TRAPPC9: variants seen among roughly 807,000 people sequenced by gnomAD.
The protein encoded by TRAPPC9 is IKK2 binding protein.
In TRAPPC9, 83 loss-of-function variants were observed where a neutral mutation model predicts 124.0. The observed-to-expected ratio is 0.67, with a 90% confidence interval of 0.56 to 0.80. The LOEUF is 0.80. TRAPPC9 is among the 30% of genes least tolerant of loss of function. The probability of loss-of-function intolerance (pLI) is 0.00; values close to 1 mark genes in which losing one functional copy is unlikely to be tolerated. For missense variants in TRAPPC9, 1,302 were observed against 1,508.3 expected (o/e 0.86, Z 2.27); for synonymous variants, 638 against 617.5 (o/e 1.03, Z -0.49).
chr8:140,413,223 T>G (rs906039610), intron 5 of TRAPPC9, among the ~76,000 whole-genome samples: 7 of 152,080 alleles, frequency 4.6e-5, no homozygotes, highest in African/African-American at 1.7e-4. Flanking sequence ...ACCCCATCTC[T>G]ACTAAAAATA....
At chr8:139,845,433 T>C (rs1827012352) in intron 21 of TRAPPC9, among the ~76,000 whole-genome samples, 1 of 152,234 alleles carries the variant, frequency 6.6e-6, no homozygotes, top group South Asian at 2.1e-4. Context: ...AGCTTCCTAA[T>C]ATCCACTTTC....
chr8:140,117,850 A>G (rs986647485), intron 17 of TRAPPC9, among the ~76,000 whole-genome samples: 8 of 152,232 alleles, frequency 5.3e-5, no homozygotes, highest in African/African-American at 1.9e-4. Context: ...ATTCTGATTC[A>G]TCACTACAGT....
chr8:139,741,315 C>T (rs1173331879), intron 21 of TRAPPC9, among the ~76,000 whole-genome samples: 1 of 152,174 alleles, frequency 6.6e-6, no homozygotes, highest in Non-Finnish European at 1.5e-5. Flanking sequence ...CTGTAGGTAT[C>T]CCCTAATTCA....
rs190225136 is a variant in TRAPPC9 at position 139,782,539 on chromosome 8, C to T, written c.3056-50337G>A. Among the ~76,000 whole-genome samples, 15 of 152,256 alleles carry T rather than the reference C, an allele frequency of 9.9e-5. No homozygotes were observed. In the East Asian group the frequency reaches 1.2e-3, roughly 12 times the overall value. On this transcript the variant is annotated intron_variant, in intron 21 of 22. Transcript: ENST00000438773. The stretch of plus-strand genomic sequence containing the variant: ...ATACATAAGAATCCTAAATTACATA[C>T]GTAATAACAGAGCTCCAAAATTCGT...
chr8:140,043,946 G>A (rs1841420677), intron 17 of TRAPPC9, among the ~76,000 whole-genome samples: 2 of 152,144 alleles, frequency 1.3e-5, no homozygotes, highest in African/African-American at 4.8e-5. Flanking sequence ...ATTCTACCAT[G>A]AGGCCTGCCT....
chr8:140,145,979 T>A (rs2061456203), intron 17 of TRAPPC9, among the ~76,000 whole-genome samples: 1 of 152,224 alleles, frequency 6.6e-6, no homozygotes, highest in South Asian at 2.1e-4. Context: ...AATAATTCCA[T>A]CCTCAACATC....
At chr8:140,343,120 T>C (rs745727713) in intron 9 of TRAPPC9, among the ~76,000 whole-genome samples, 1 of 152,192 alleles carries the variant, frequency 6.6e-6, no homozygotes, top group Non-Finnish European at 1.5e-5. Flanking sequence ...AGGACATATA[T>C]TAAAATATCC....
chr8:140,200,909 G>C (rs910195671), intron 17 of TRAPPC9, among the ~76,000 whole-genome samples: 2 of 152,188 alleles, frequency 1.3e-5, no homozygotes, highest in African/African-American at 2.4e-5. Context: ...TGATATGAGG[G>C]ATACATGGGA....
intron 21 of TRAPPC9, among the ~76,000 whole-genome samples, chr8:139,778,388 TATA>T (rs1296174032): frequency 6.6e-5 from 10 of 152,130 alleles, no homozygotes; most frequent in African/African-American, 9.7e-5. Context: ...AGACAAAATT[TATA>T]ATGTCTGGCA....
intron 5 of TRAPPC9, among the ~76,000 whole-genome samples, chr8:140,406,188 G>T (rs1285327400): frequency 6.6e-6 from 1 of 151,976 alleles, no homozygotes; most frequent in Non-Finnish European, 1.5e-5. Flanking sequence ...CTATCAATAA[G>T]CAGAAGCATC....
At chr8:140,283,388 G>A (rs1196544403) in intron 14 of TRAPPC9, among the ~76,000 whole-genome samples, 1 of 137,502 alleles carries the variant, frequency 7.3e-6, no homozygotes, top group Non-Finnish European at 1.5e-5. Context: ...TCCGCCTCCT[G>A]GGTTCACGCC....
chr8:139,916,165 G>A (rs1406657836), intron 19 of TRAPPC9, among the ~76,000 whole-genome samples: 1 of 152,182 alleles, frequency 6.6e-6, no homozygotes, highest in Non-Finnish European at 1.5e-5. Flanking sequence ...TCAAGACACT[G>A]TCCTCCTGGA....
intron 21 of TRAPPC9, among the ~76,000 whole-genome samples, chr8:139,773,250 C>CA (rs1821110483): frequency 6.6e-6 from 1 of 152,248 alleles, no homozygotes; most frequent in African/African-American, 2.4e-5. Context: ...GTGCCGATGG[C>CA]TCTAACAGGT....
intron 5 of TRAPPC9, among the ~76,000 whole-genome samples, chr8:140,418,150 T>A (rs1564010357): frequency 6.6e-6 from 1 of 152,160 alleles, no homozygotes; most frequent in Non-Finnish European, 1.5e-5. Context: ...CCATGGCACG[T>A]GTATACCTAT....
chr8:140,245,205 A>G (rs750033634), intron 16 of TRAPPC9, among the ~76,000 whole-genome samples: 1 of 152,246 alleles, frequency 6.6e-6, no homozygotes, highest in Non-Finnish European at 1.5e-5. Context: ...CAAACACCCT[A>G]GAAAACACGA....
intron 19 of TRAPPC9, chr8:139,914,058 G>C (rs34081980): frequency 0.2 from 29,846 of 152,372 alleles, 2,992 homozygotes; most frequent in East Asian, 0.27. Flanking sequence ...AGGCCTGCGT[G>C]ATGGAAGGCG....
intron 17 of TRAPPC9, among the ~76,000 whole-genome samples, chr8:140,161,384 C>T (rs1048972842): frequency 5.3e-5 from 8 of 150,264 alleles, no homozygotes; most frequent in African/African-American, 1.2e-4. Context: ...TATCCCCTAA[C>T]TGAAATGCTC....
chr8:140,140,214 T>C (rs1055033622), intron 17 of TRAPPC9, among the ~76,000 whole-genome samples: 11 of 152,296 alleles, frequency 7.2e-5, no homozygotes, highest in African/African-American at 2.6e-4. Flanking sequence ...AGCGGCTCTC[T>C]CCTTTGTCTT....
intron 2 of TRAPPC9, among the ~76,000 whole-genome samples, chr8:140,445,208 C>G (rs183806271): frequency 6.6e-6 from 1 of 152,242 alleles, no homozygotes; most frequent in African/African-American, 2.4e-5. Flanking sequence ...CACTCTCAGA[C>G]AGATTTCTCC....
Sources: gnomAD v4.1 joint callset for allele counts (sites outside exome capture counted in the v4.1 genomes callset) on GRCh38, gnomAD v4.1.1 for gene constraint, MANE v1.5 for transcripts, NCBI Gene and HGNC (gene_info 2026-07-23, HGNC 2026-07-21) for gene names.